Variants in TESMIN observed in about 807,000 individuals in gnomAD.
TESMIN encodes CXC domain containing 2.
A neutral mutation model predicts 47.4 loss-of-function variants in TESMIN; 34 were observed. The observed-to-expected ratio is 0.72, with a 90% CI of 0.55 to 0.96. TESMIN has a LOEUF of 0.96. Ranked by LOEUF, TESMIN falls within the 40% of genes least tolerant of loss-of-function variation. TESMIN has a pLI of 0.00. For synonymous variants in TESMIN, 278 were observed against 258.9 expected (o/e 1.07, Z -0.71); for missense variants, 610 against 637.2 (o/e 0.96, Z 0.46).
chr11:68,717,183 T>C (rs1251200779), intron 6 of TESMIN, among the ~76,000 whole-genome samples: 1 of 152,266 alleles, frequency 6.6e-6, no homozygotes, highest in Non-Finnish European at 1.5e-5. Flanking sequence ...TTTAAAATAA[T>C]ATTTTAATGT....
At chr11:68,712,267 T>C (rs534851562) in intron 8 of TESMIN, among the ~76,000 whole-genome samples, 1 of 152,210 alleles carries the variant, frequency 6.6e-6, no homozygotes, top group South Asian at 2.1e-4. Flanking sequence ...GTGGGTGCGA[T>C]TGGAAGTGGT....
chr11:68,738,432 T>G, intron 6 of TESMIN: 13 of 1,212,810 alleles, frequency 1.1e-5, no homozygotes, highest in Non-Finnish European at 1.3e-5. Flanking sequence ...GCAACAAGCC[T>G]CAGAAACACC....
intron 6 of TESMIN, among the ~76,000 whole-genome samples, chr11:68,721,914 G>C (rs1253980969): frequency 2.0e-5 from 3 of 152,222 alleles, no homozygotes; most frequent in Admixed American, 6.5e-5. Flanking sequence ...GGCCACTATG[G>C]AAAGATACGG....
intron 6 of TESMIN, chr11:68,738,246 A>G: frequency 2.0e-6 from 2 of 995,958 alleles, no homozygotes; most frequent in Non-Finnish European, 2.4e-6. Flanking sequence ...AGCACCTGCC[A>G]TAGAGCTCGA....
intron 6 of TESMIN, among the ~76,000 whole-genome samples, chr11:68,720,604 T>C (rs1331715866): frequency 1.3e-5 from 2 of 152,122 alleles, no homozygotes; most frequent in African/African-American, 2.4e-5. Flanking sequence ...ACGGTCTTCA[T>C]CTGCACCCCT....
At chr11:68,750,753 C>T in intron 1 of TESMIN, 54 bp from the exon 2 acceptor site, 2 of 516,298 alleles carry the variant, frequency 3.9e-6, no homozygotes, top group Non-Finnish European at 5.0e-6. Flanking sequence ...AGGGGAGGGG[C>T]GGCCAGGAAA....
chr11:68,730,796 C>CAAA (rs111323065), intron 6 of TESMIN, among the ~76,000 whole-genome samples: 2 of 96,926 alleles, frequency 2.1e-5, no homozygotes, highest in Non-Finnish European at 4.6e-5. Flanking sequence ...GACTTTGTCT[C>CAAA]AAAAAAAAAA....
intron 6 of TESMIN, among the ~76,000 whole-genome samples, chr11:68,735,524 G>A (rs1426176357): frequency 6.6e-6 from 1 of 152,164 alleles, no homozygotes; most frequent in African/African-American, 2.4e-5. Flanking sequence ...GGGACACCAA[G>A]GATAACTATC....
At chr11:68,745,300 C>CA (rs71993839) in intron 3 of TESMIN, among the ~76,000 whole-genome samples, 189 bp from the exon 4 acceptor site, 2,547 of 71,446 alleles carry the variant, frequency 0.036, 26 homozygotes, top group African/African-American at 0.069. Flanking sequence ...CACCAAAGGG[C>CA]AAAAAAAAAA....
In TESMIN at chr11:68,736,110, G is replaced by C; in HGVS notation, c.917+2590C>G. Reference sequence around the variant, plus strand: ...CACAACAAGATAACCTCATCTTTAGGAAAAAAATTTCCAGAGAAGCGGACT... The same window carrying C: ...CACAACAAGATAACCTCATCTTTAGCAAAAAAATTTCCAGAGAAGCGGACT... On this transcript the variant is annotated intron_variant, in intron 6 of 9. Coordinates refer to ENST00000255087, the MANE Select transcript of TESMIN (RefSeq NM_004923.3). 3.0e-6 allele frequency: 3 copies of C among 985,254 alleles called. No individual in the cohort carries two copies. In the South Asian group the frequency reaches 1.4e-4, roughly 46 times the overall value. 61.0% of individuals were successfully genotyped at this position (985,254 alleles called of 1,614,324 possible).
intron 9 of TESMIN, among the ~76,000 whole-genome samples, chr11:68,709,871 A>G (rs1412582129): frequency 6.6e-6 from 1 of 152,222 alleles, no homozygotes; most frequent in African/African-American, 2.4e-5. Context: ...TTTTACTGAT[A>G]AAGACCTCTG....
intron 5 of TESMIN, 52 bp from the exon 6 acceptor site, chr11:68,738,840 T>C (rs778038070): frequency 2.0e-6 from 3 of 1,491,372 alleles, no homozygotes; most frequent in Non-Finnish European, 2.8e-6. Flanking sequence ...ATTTTTAAAG[T>C]TCCAGTCAGC....
intron 6 of TESMIN, among the ~76,000 whole-genome samples, chr11:68,734,433 A>C (rs921438273): frequency 2.6e-5 from 4 of 152,270 alleles, no homozygotes; most frequent in Non-Finnish European, 2.9e-5. Context: ...CAAGGAGCTC[A>C]GAACATTTGC....
intron 3 of TESMIN, among the ~76,000 whole-genome samples, chr11:68,746,413 CTAA>C (rs1946521136): frequency 6.6e-6 from 1 of 152,206 alleles, no homozygotes; most frequent in African/African-American, 2.4e-5. Context: ...GATGGAGAGG[CTAA>C]TGTTAGTGTA....
Position 68,729,094 on chromosome 11 carries a change from T to C in TESMIN, c.917+9606A>G, listed in dbSNP as rs187545784. Among the ~76,000 whole-genome samples, 80 of 152,372 alleles carry C rather than the reference T, an allele frequency of 5.3e-4. 1 individual carries two copies. The East Asian group carries it at 0.013, about 25-fold the overall frequency. ...ACATTTCATAAATCTATAGCTGCTA[T>C]TGATAGTGATTCTTCTGATGGATCT... On this transcript the variant is annotated intron_variant, in intron 6 of 9. Transcript: ENST00000255087.
intron 6 of TESMIN, among the ~76,000 whole-genome samples, chr11:68,721,875 A>G (rs1374784889): frequency 2.6e-5 from 4 of 152,230 alleles, no homozygotes; most frequent in Non-Finnish European, 5.9e-5. Context: ...ATGGTATTGT[A>G]TATTCCTAGT....
chr11:68,713,836 A>G (rs1946102216), intron 7 of TESMIN, among the ~76,000 whole-genome samples: 1 of 152,086 alleles, frequency 6.6e-6, no homozygotes, highest in Non-Finnish European at 1.5e-5. Flanking sequence ...CATGGGATTT[A>G]TATATACATG....
chr11:68,738,842 C>T, intron 5 of TESMIN, 54 bp from the exon 6 acceptor site: 1 of 1,432,264 alleles, frequency 7.0e-7, no homozygotes, highest in Admixed American at 1.7e-5. Context: ...TTTTAAAGTT[C>T]CAGTCAGCCA....
chr11:68,750,784 CAGCCAAGGGAGG>C (rs1946589037), intron 1 of TESMIN, 85 bp from the exon 2 acceptor site: 6 of 170,582 alleles, frequency 3.5e-5, no homozygotes, highest in South Asian at 2.2e-4. Context: ...AAGGGAGGGG[CAGCCAAGGGAGG>C]GGCGGCCAGG....
Sources: gnomAD v4.1 joint callset for allele counts (sites outside exome capture counted in the v4.1 genomes callset) on GRCh38, gnomAD v4.1.1 for gene constraint, MANE v1.5 for transcripts, NCBI Gene and HGNC (gene_info 2026-07-23, HGNC 2026-07-21) for gene names.